Variants in DIPK1A observed in about 807,000 individuals in gnomAD.
The protein encoded by DIPK1A is family with sequence similarity 69 member A.
DIPK1A carries 27 observed loss-of-function variants against 40.8 expected under a neutral mutation model. The ratio of observed to expected loss-of-function variants is 0.66; its 90% CI spans 0.49 to 0.91. DIPK1A has a LOEUF of 0.91. DIPK1A is among the 40% of genes least tolerant of loss of function. The probability of loss-of-function intolerance (pLI) is 0.00; values close to 1 mark genes in which losing one functional copy is unlikely to be tolerated. For missense variants in DIPK1A, 412 were observed against 505.7 expected (o/e 0.81, Z 1.78); for synonymous variants, 166 against 171.3 (o/e 0.97, Z 0.24).
intron 2 of DIPK1A, among the ~76,000 whole-genome samples, chr1:92,868,742 G>T (rs541297932): frequency 2.6e-4 from 39 of 152,190 alleles, no homozygotes; most frequent in Non-Finnish European, 1.5e-5. Flanking sequence ...GAGGCAGGTG[G>T]ATCACCTGAG....
At chr1:92,858,302 T>C (rs1480933572) in intron 2 of DIPK1A, among the ~76,000 whole-genome samples, 1 of 152,240 alleles carries the variant, frequency 6.6e-6, no homozygotes, top group Admixed American at 6.5e-5. Flanking sequence ...TTATATTTCT[T>C]TCCTGACACT....
At chr1:92,856,196 AAAGAG>A (rs1164667492) in intron 2 of DIPK1A, among the ~76,000 whole-genome samples, 6 of 152,166 alleles carry the variant, frequency 3.9e-5, no homozygotes, top group African/African-American at 1.4e-4. Flanking sequence ...TTAGGAAAGA[AAAGAG>A]TAGTGGTGGC....
chr1:92,872,644 A>G (rs1432193137), intron 2 of DIPK1A, among the ~76,000 whole-genome samples: 1 of 152,134 alleles, frequency 6.6e-6, no homozygotes, highest in Non-Finnish European at 1.5e-5. Context: ...CCTTCTGTCT[A>G]GCAGACAAAG....
chr1:92,895,993 G>C (rs540072746), intron 1 of DIPK1A, among the ~76,000 whole-genome samples: 1 of 151,570 alleles, frequency 6.6e-6, no homozygotes, highest in African/African-American at 2.4e-5. Flanking sequence ...CACTGCTCAA[G>C]GAAATAAAAG....
chr1:92,908,486 T>A (rs1162079202), intron 1 of DIPK1A, among the ~76,000 whole-genome samples: 5 of 152,152 alleles, frequency 3.3e-5, no homozygotes, highest in Non-Finnish European at 4.4e-5. Flanking sequence ...CTGGAAAATA[T>A]CCATTGGATT....
chr1:92,954,236 G>GA (rs1651750227), intron 1 of DIPK1A, among the ~76,000 whole-genome samples: 3 of 151,700 alleles, frequency 2.0e-5, no homozygotes, highest in Admixed American at 2.0e-4. Flanking sequence ...TCCAAGGTGG[G>GA]AAGGTGCACT....
chr1:92,911,082 G>A (rs937404873), intron 1 of DIPK1A, among the ~76,000 whole-genome samples: 2 of 151,886 alleles, frequency 1.3e-5, no homozygotes, highest in South Asian at 2.1e-4. Context: ...GCTTTTTTTC[G>A]GCAAGCATAA....
chr1:92,910,685 A>AT (rs946053137), intron 1 of DIPK1A, among the ~76,000 whole-genome samples: 3 of 152,012 alleles, frequency 2.0e-5, no homozygotes, highest in East Asian at 3.8e-4. Context: ...TTAAAATTGC[A>AT]TTTTTTTATT....
intron 2 of DIPK1A, among the ~76,000 whole-genome samples, chr1:92,864,498 G>A: frequency 6.6e-6 from 1 of 152,162 alleles, no homozygotes; most frequent in East Asian, 1.9e-4. Flanking sequence ...GAATATGTCA[G>A]AAGAGATCAA....
intron 2 of DIPK1A, among the ~76,000 whole-genome samples, chr1:92,861,300 G>A (rs113954351): frequency 1.5e-5 from 2 of 135,778 alleles, no homozygotes; most frequent in African/African-American, 5.4e-5. Context: ...TATATTAATA[G>A]CTTTTCTATT....
chr1:92,842,478 G>GA lies in DIPK1A; in HGVS notation c.*904dup, dbSNP rs35488718. On this transcript the variant is annotated 3_prime_UTR_variant, in exon 5 of 5. Coordinates refer to ENST00000370310, the MANE Select transcript of DIPK1A (RefSeq NM_001006605.5). Reference sequence around the variant, plus strand: ...ACCTTGTATATCAAGTTTACATGGGGAAAAAAACATTAGATAAATAAATAC... The same window carrying GA: ...ACCTTGTATATCAAGTTTACATGGGGAAAAAAAACATTAGATAAATAAATAC... 250,895 of 976,546 alleles carry GA rather than the reference G, an allele frequency of 0.26. 33,052 individuals carry two copies. The highest frequency in any genetic ancestry group is 0.27 in the Non-Finnish European group (219,485 of 821,988). The allele number at this position is 976,546 out of a possible 1,614,324, so 60.5% of individuals were successfully genotyped here. A position where few individuals can be genotyped will look rare whatever the true frequency, so the allele number is the denominator to read the frequency against.
At chr1:92,860,646 A>AAAAAAAAAAAAAGCCAGG (rs148916481) in intron 2 of DIPK1A, among the ~76,000 whole-genome samples, 2 of 105,212 alleles carry the variant, frequency 1.9e-5, no homozygotes, top group East Asian at 2.9e-4. Context: ...AAAAAAAAAA[A>AAAAAAAAAAAAAGCCAGG]TGGTGGTGTG....
rs759335331 is a variant in DIPK1A, at chr1:92,876,352, C to T, written c.133G>A (p.Val45Met). 51 of 1,607,166 alleles carry T rather than the reference C, an allele frequency of 3.2e-5. No homozygotes were observed. Among genetic ancestry groups the T allele is most frequent in the Non-Finnish European group, 4.3e-5 (51 of 1,174,160 alleles). The change falls in exon 2 of 5, where the codon GTG (valine) becomes ATG (methionine). Residue 45 changes from valine (V) to methionine (M), a missense_variant. Val to Met is a conservative substitution (Grantham distance 21, BLOSUM62 1). Coordinates refer to ENST00000370310, the MANE Select transcript of DIPK1A (RefSeq NM_001006605.5). ...AATTCTGTATAGGTAGAATACTGCA[C>T]ATATATAATCCAGCTTCCAACAAAA... ...VVFVGSWIIYVQYSTYTELCR... is the reference protein window; with the variant it reads ...VVFVGSWIIYMQYSTYTELCR...
At chr1:92,948,689 ATATATACACATATG>A (rs1374496188) in intron 1 of DIPK1A, among the ~76,000 whole-genome samples, 5 of 145,910 alleles carry the variant, frequency 3.4e-5, no homozygotes, top group African/African-American at 2.5e-5. Flanking sequence ...ATGTATATGT[ATATATACACATATG>A]TATATACACA....
downstream of DIPK1A, chr1:92,840,164 T>C (rs1013465367): frequency 2.7e-5 from 7 of 258,438 alleles, no homozygotes; most frequent in African/African-American, 4.6e-5. Flanking sequence ...CCACCATTAA[T>C]AATTGCCACC....
chr1:92,959,902 A>AATTTTTTT (rs1557502636), intron 1 of DIPK1A, among the ~76,000 whole-genome samples: 1 of 43,098 alleles, frequency 2.3e-5, no homozygotes, highest in Non-Finnish European at 3.8e-5. Context: ...CACCCAACCA[A>AATTTTTTT]CTTTTTTTTT....
At chr1:92,874,199 G>A (rs1390049996) in intron 2 of DIPK1A, among the ~76,000 whole-genome samples, 1 of 152,090 alleles carries the variant, frequency 6.6e-6, no homozygotes, top group Non-Finnish European at 1.5e-5. Context: ...AAGTAATGAA[G>A]CACTTCAACT....
At chr1:92,833,451 A>G in intron 4 of DIPK1A, 1 of 1,614,072 alleles carries the variant, frequency 6.2e-7, no homozygotes, top group Non-Finnish European at 8.5e-7. Context: ...AATTTAGAAG[A>G]CGACGAGGTA....
At chr1:92,855,445 T>C (rs551103391) in intron 2 of DIPK1A, among the ~76,000 whole-genome samples, 154 of 152,036 alleles carry the variant, frequency 1.0e-3, no homozygotes, top group African/African-American at 3.5e-3. Context: ...ACAACTGTAA[T>C]CCCAGCACTT....
Sources: allele counts gnomAD v4.1 joint callset (sites outside exome capture counted in the v4.1 genomes callset), GRCh38; gene constraint gnomAD v4.1.1; transcripts MANE v1.5; gene names NCBI Gene and HGNC (gene_info 2026-07-23, HGNC 2026-07-21).